Variants in SMAP1 observed in about 807,000 individuals in gnomAD.
SMAP1 encodes the protein small ArfGAP 1.
Under a neutral mutation model 58.5 loss-of-function variants are expected in SMAP1, and 24 were observed. The observed-to-expected ratio is 0.41, with a 90% CI of 0.30 to 0.58. The LOEUF is 0.58. Among genes scored for constraint, SMAP1 ranks in the 20% least tolerant of loss-of-function variants. SMAP1 has a pLI of 0.29. For synonymous variants in SMAP1, 216 were observed against 196.6 expected (o/e 1.10, Z -0.82); for missense variants, 563 against 566.3 (o/e 0.99, Z 0.06).
chr6:70,761,331 G>A (rs955036165), intron 3 of SMAP1, among the ~76,000 whole-genome samples: 7 of 152,014 alleles, frequency 4.6e-5, no homozygotes, highest in Admixed American at 2.6e-4. Flanking sequence ...TGTTTACTAA[G>A]TAATTCCCAA....
At chr6:70,769,282 C>G (rs1206029703) in intron 3 of SMAP1, among the ~76,000 whole-genome samples, 71 of 152,102 alleles carry the variant, frequency 4.7e-4, no homozygotes, top group African/African-American at 1.6e-3. Context: ...TGGTGCAGAG[C>G]TGAGTTCAAT....
intron 2 of SMAP1, among the ~76,000 whole-genome samples, chr6:70,740,447 A>G (rs1034801571): frequency 1.3e-4 from 19 of 147,524 alleles, no homozygotes; most frequent in African/African-American, 3.8e-4. Context: ...AGTCCCAGCT[A>G]CTTGGGAGAC....
intron 6 of SMAP1, among the ~76,000 whole-genome samples, chr6:70,802,141 C>T (rs1768887874): frequency 1.3e-5 from 2 of 152,294 alleles, no homozygotes; most frequent in South Asian, 4.1e-4. Context: ...TTCTTCGTAT[C>T]TATGAGCATG....
chr6:70,783,693 AG>A (rs1278058102), intron 4 of SMAP1, among the ~76,000 whole-genome samples: 1 of 152,208 alleles, frequency 6.6e-6, no homozygotes, highest in Non-Finnish European at 1.5e-5. Context: ...ACTGGAAGAA[AG>A]GGTATCAGTG....
chr6:70,859,391 A>C (rs1164628689), intron 10 of SMAP1: 3 of 1,548,884 alleles, frequency 1.9e-6, no homozygotes, highest in Admixed American at 3.9e-5. Flanking sequence ...GGCCAATGAC[A>C]AGGTGGTTAA....
At chr6:70,724,357 A>G (rs550977418) in intron 1 of SMAP1, among the ~76,000 whole-genome samples, 1 of 152,026 alleles carries the variant, frequency 6.6e-6, no homozygotes, top group South Asian at 2.1e-4. Context: ...CCACATGCTC[A>G]GCTAATTTTT....
chr6:70,825,250 C>G (rs924381199), intron 6 of SMAP1, among the ~76,000 whole-genome samples: 2 of 152,172 alleles, frequency 1.3e-5, no homozygotes, highest in Non-Finnish European at 2.9e-5. Flanking sequence ...CATTGGGGCT[C>G]TGTGAGACTG....
chr6:70,717,062 A>C (rs758159441), intron 1 of SMAP1, among the ~76,000 whole-genome samples: 1 of 152,098 alleles, frequency 6.6e-6, no homozygotes. Context: ...TGTTTGTCCA[A>C]ACTACACTCT....
intron 6 of SMAP1, among the ~76,000 whole-genome samples, chr6:70,810,120 T>C (rs1769323922): frequency 6.6e-6 from 1 of 152,228 alleles, no homozygotes; most frequent in African/African-American, 2.4e-5. Context: ...GGGTTTCTTA[T>C]TCTTTAACCA....
intron 8 of SMAP1, 158 bp from the exon 9 acceptor site, chr6:70,856,701 G>A (rs1023588789): frequency 1.6e-6 from 1 of 618,346 alleles, no homozygotes; most frequent in South Asian, 3.1e-5. Flanking sequence ...TTTTTATATG[G>A]GCTTGGGCTT....
intron 7 of SMAP1, among the ~76,000 whole-genome samples, chr6:70,851,228 C>G (rs72930870): frequency 6.6e-6 from 1 of 152,028 alleles, no homozygotes; most frequent in African/African-American, 2.4e-5. Flanking sequence ...AATATTTTAT[C>G]GTGACTATGT....
chr6:70,698,796 T>C (rs1040908904), intron 1 of SMAP1, among the ~76,000 whole-genome samples: 1 of 152,152 alleles, frequency 6.6e-6, no homozygotes, highest in Non-Finnish European at 1.5e-5. Flanking sequence ...TCCTTTTCAG[T>C]GTTATCTTGA....
chr6:70,736,607 T>A (rs957729295), intron 2 of SMAP1, among the ~76,000 whole-genome samples: 8 of 152,250 alleles, frequency 5.3e-5, no homozygotes, highest in Non-Finnish European at 8.8e-5. Flanking sequence ...TAGATGTCTT[T>A]ATTCTACTTG....
At chr6:70,809,994 T>C (rs756823599) in intron 6 of SMAP1, among the ~76,000 whole-genome samples, 3 of 152,218 alleles carry the variant, frequency 2.0e-5, no homozygotes, top group African/African-American at 7.2e-5. Context: ...CTCCTCATCT[T>C]TCTTTAGCTA....
At chr6:70,755,097 A>G in intron 3 of SMAP1, 32 bp downstream of exon 3, 1 of 1,494,620 alleles carries the variant, frequency 6.7e-7, no homozygotes, top group Non-Finnish European at 9.2e-7. Flanking sequence ...TTTTGAGTTT[A>G]AAAAACATTA....
intron 2 of SMAP1, among the ~76,000 whole-genome samples, chr6:70,747,755 G>A (rs1332853661): frequency 6.6e-6 from 1 of 152,162 alleles, no homozygotes; most frequent in African/African-American, 2.4e-5. Context: ...AGTGTAATGT[G>A]AAGCTTTTCC....
intron 3 of SMAP1, among the ~76,000 whole-genome samples, chr6:70,767,437 T>C (rs1431956264): frequency 6.6e-6 from 1 of 152,226 alleles, no homozygotes; most frequent in Admixed American, 6.5e-5. Flanking sequence ...CAGTGGTTTG[T>C]AGTTCTCCAC....
chr6:70,737,347 A>T (rs1343939975), intron 2 of SMAP1, among the ~76,000 whole-genome samples: 1 of 152,044 alleles, frequency 6.6e-6, no homozygotes, highest in Admixed American at 6.6e-5. Context: ...GGGTTTCGTC[A>T]TGTTGGCCCG....
chr6:70,672,243 A>G (rs1457567358), intron 1 of SMAP1, among the ~76,000 whole-genome samples: 1 of 152,180 alleles, frequency 6.6e-6, no homozygotes, highest in African/African-American at 2.4e-5. Flanking sequence ...CTACCTCTAT[A>G]CTTATTTTGG....
Sources: gnomAD v4.1 joint callset for allele counts (sites outside exome capture counted in the v4.1 genomes callset) on GRCh38, gnomAD v4.1.1 for gene constraint, MANE v1.5 for transcripts, NCBI Gene and HGNC (gene_info 2026-07-23, HGNC 2026-07-21) for gene names.